The following IGSF11 variants were observed in gnomAD, a reference collection of about 807,000 sequenced individuals.
The protein encoded by IGSF11 is CXADR like 1.
In IGSF11, 22 loss-of-function variants were observed where a neutral mutation model predicts 41.0. That is an observed-to-expected ratio of 0.54 (90% CI 0.38 to 0.77). The LOEUF (loss-of-function observed/expected upper bound fraction) is 0.77. Ranked by LOEUF, IGSF11 falls within the 30% of genes least tolerant of loss-of-function variation. IGSF11 has a pLI of 0.00. For synonymous variants in IGSF11, 219 were observed against 201.3 expected (o/e 1.09, Z -0.74); for missense variants, 444 against 530.8 (o/e 0.84, Z 1.61).
intron 1 of IGSF11, among the ~76,000 whole-genome samples, chr3:119,005,932 A>G (rs933825896): frequency 7.3e-6 from 1 of 137,468 alleles, no homozygotes; most frequent in Admixed American, 7.3e-5. Flanking sequence ...GAATCTGACA[A>G]TTATGTGTCT....
rs1418274431 is a variant in IGSF11, at chr3:119,034,728, T to C, written c.-146A>G. On this transcript the variant is annotated 5_prime_UTR_variant, in exon 1 of 7. Transcript: ENST00000393775. ...GCTGTTCCCCGCGCAGAGCTGGGAC[T>C]GTCAGACCCACAGACGAGCCAAGTG... 21 of 1,352,448 alleles carry C rather than the reference T, an allele frequency of 1.6e-5. No individual in the cohort carries two copies. The highest frequency in any genetic ancestry group is 1.5e-5 in the Non-Finnish European group (16 of 1,048,456). The allele number at this position is 1,352,448 out of a possible 1,614,324, so 83.8% of individuals were successfully genotyped here. A position where few individuals can be genotyped will look rare whatever the true frequency, so the allele number is the denominator to read the frequency against.
chr3:118,934,901 T>C (rs560521161), intron 1 of IGSF11, among the ~76,000 whole-genome samples: 5 of 152,302 alleles, frequency 3.3e-5, no homozygotes, highest in African/African-American at 9.6e-5. Flanking sequence ...CTTTCCTCTG[T>C]CTGGTTTGCT....
intron 1 of IGSF11, among the ~76,000 whole-genome samples, chr3:118,962,519 T>C (rs994543222): frequency 3.3e-5 from 5 of 152,094 alleles, no homozygotes; most frequent in African/African-American, 4.8e-5. Context: ...TTTAATAAAA[T>C]GGAAAAATAC....
intron 1 of IGSF11, among the ~76,000 whole-genome samples, chr3:119,063,927 G>A (rs1277314768): frequency 6.6e-6 from 1 of 152,228 alleles, no homozygotes; most frequent in Non-Finnish European, 1.5e-5. Flanking sequence ...TAGCAAATGA[G>A]CTGTGGAAGA....
intron 1 of IGSF11, among the ~76,000 whole-genome samples, chr3:118,967,018 A>G (rs1945731689): frequency 6.6e-6 from 1 of 152,172 alleles, no homozygotes; most frequent in Non-Finnish European, 1.5e-5. Flanking sequence ...AGAAAGAAAA[A>G]AAGATACACC....
intron 1 of IGSF11, among the ~76,000 whole-genome samples, chr3:119,073,312 G>C (rs2076433509): frequency 6.6e-6 from 1 of 152,218 alleles, no homozygotes; most frequent in Non-Finnish European, 1.5e-5. Context: ...GTCCCCACCT[G>C]ACTCAGGAGC....
intron 1 of IGSF11, among the ~76,000 whole-genome samples, chr3:119,068,427 T>A (rs1443809528): frequency 6.6e-6 from 1 of 152,244 alleles, no homozygotes; most frequent in Non-Finnish European, 1.5e-5. Flanking sequence ...ACAGTTCCAT[T>A]CTTAGCACTT....
chr3:119,111,413 A>T (rs1056964153), intron 1 of IGSF11, among the ~76,000 whole-genome samples: 1 of 152,082 alleles, frequency 6.6e-6, no homozygotes, highest in Non-Finnish European at 1.5e-5. Flanking sequence ...TTCTTCACGT[A>T]GTTCTTGAGC....
chr3:119,082,999 T>G (rs745439944), intron 1 of IGSF11, among the ~76,000 whole-genome samples: 1 of 152,188 alleles, frequency 6.6e-6, no homozygotes, highest in Non-Finnish European at 1.5e-5. Context: ...AAAACTGTAA[T>G]GAAGAAGGCT....
intron 1 of IGSF11, among the ~76,000 whole-genome samples, chr3:118,967,836 T>C (rs1187952814): frequency 2.6e-5 from 4 of 152,202 alleles, no homozygotes; most frequent in Non-Finnish European, 5.9e-5. Flanking sequence ...TTTTTTACTA[T>C]GCATTGGCAA....
chr3:119,111,904 C>T (rs1007857620), intron 1 of IGSF11, among the ~76,000 whole-genome samples: 10 of 152,198 alleles, frequency 6.6e-5, no homozygotes, highest in South Asian at 4.1e-4. Flanking sequence ...TGCAGACCAG[C>T]GGATTTTCGT....
intron 1 of IGSF11, among the ~76,000 whole-genome samples, chr3:119,030,928 A>C (rs1320408445): frequency 6.6e-6 from 1 of 152,222 alleles, no homozygotes; most frequent in Non-Finnish European, 1.5e-5. Context: ...TCATTAGTCT[A>C]GATAACAATA....
intron 1 of IGSF11, among the ~76,000 whole-genome samples, chr3:119,089,107 T>C (rs983160528): frequency 2.0e-5 from 3 of 152,020 alleles, no homozygotes; most frequent in Non-Finnish European, 4.4e-5. Context: ...GATACAAAAA[T>C]CTGGCAGAGG....
At chr3:119,101,525 A>C (rs1453801310) in intron 1 of IGSF11, among the ~76,000 whole-genome samples, 1 of 152,222 alleles carries the variant, frequency 6.6e-6, no homozygotes, top group Non-Finnish European at 1.5e-5. Flanking sequence ...AAACAAAAAA[A>C]GTAAAGCATA....
intron 1 of IGSF11, chr3:118,947,747 G>C (rs764502954): frequency 5.9e-5 from 9 of 152,098 alleles, no homozygotes; most frequent in Non-Finnish European, 1.3e-4. Context: ...CCCCTTTTTA[G>C]TCACTACCCT....
At chr3:118,983,484 T>C (rs117412281) in intron 1 of IGSF11, 1 of 152,308 alleles carries the variant, frequency 6.6e-6, no homozygotes, top group East Asian at 1.9e-4. Context: ...ATGTAGTCTA[T>C]AAGTCTTAAG....
intron 1 of IGSF11, among the ~76,000 whole-genome samples, chr3:118,944,174 T>C (rs777481941): frequency 2.8e-4 from 43 of 152,220 alleles, no homozygotes; most frequent in Non-Finnish European, 5.1e-4. Flanking sequence ...GTTTTTAACA[T>C]ACAAATATTT....
At chr3:119,090,935 A>T (rs1040967634) in intron 1 of IGSF11, among the ~76,000 whole-genome samples, 2 of 152,224 alleles carry the variant, frequency 1.3e-5, no homozygotes, top group Non-Finnish European at 2.9e-5. Context: ...CAGATGGCCT[A>T]CAGAATGGGA....
At chr3:118,966,228 T>G (rs1334522392) in intron 1 of IGSF11, among the ~76,000 whole-genome samples, 1 of 152,206 alleles carries the variant, frequency 6.6e-6, no homozygotes, top group Non-Finnish European at 1.5e-5. Flanking sequence ...CATACAAATG[T>G]GTGGAGCACT....
Sources: allele counts gnomAD v4.1 joint callset (sites outside exome capture counted in the v4.1 genomes callset), GRCh38; gene constraint gnomAD v4.1.1; transcripts MANE v1.5; gene names NCBI Gene and HGNC (gene_info 2026-07-23, HGNC 2026-07-21).